ARHGEF28: variants seen among roughly 807,000 people sequenced by gnomAD.
ARHGEF28 encodes 190 kDa guanine nucleotide exchange factor.
In ARHGEF28, 152 loss-of-function variants were observed where a neutral mutation model predicts 206.6. That is an observed-to-expected ratio of 0.74 (90% CI 0.64 to 0.84). ARHGEF28 has a LOEUF of 0.84. ARHGEF28 is among the 40% of genes least tolerant of loss of function. The pLI is 0.00. For synonymous variants in ARHGEF28, 763 were observed against 776.4 expected (o/e 0.98, Z 0.29); for missense variants, 2,028 against 2,073.2 (o/e 0.98, Z 0.42).
chr5:73,840,704 T>A lies in ARHGEF28; in HGVS notation c.1371T>A (p.Asn457Lys). Residue 457 changes from asparagine to lysine, a missense_variant, in exon 11 of 36, where the codon AAT becomes AAA. Physicochemically the swap from Asn to Lys is moderately conservative, Grantham distance 94. This residue lies in a region of ARHGEF28 where 1,002 missense variants were observed against 1,015.3 expected (regional missense o/e 0.99). Transcript: ENST00000513042. ...SPSSSCASNLNLSFGWHGFEK... is the reference protein window; with the variant it reads ...SPSSSCASNLKLSFGWHGFEK... The stretch of plus-strand genomic sequence containing the variant: ...CAAGTTCGTGTGCTTCCAACTTGAA[T>A]CTTTCTTTTGGTTGGCATGGATTTG... 6.2e-7 allele frequency: 1 copy of A among 1,612,574 alleles called. No individual in the cohort carries two copies. Among genetic ancestry groups the A allele is most frequent in the Non-Finnish European group, 8.5e-7 (1 of 1,179,176 alleles).
chr5:73,847,785 A>G (rs1758456199), intron 12 of ARHGEF28, among the ~76,000 whole-genome samples: 1 of 152,194 alleles, frequency 6.6e-6, no homozygotes, highest in African/African-American at 2.4e-5. Flanking sequence ...GTTACCACGT[A>G]TACATGACTC....
intron 14 of ARHGEF28, 67 bp from the exon 15 acceptor site, chr5:73,857,589 A>G: frequency 1.4e-6 from 2 of 1,479,382 alleles, no homozygotes; most frequent in South Asian, 2.6e-5. Context: ...ACACACACAT[A>G]CACACACACG....
chr5:73,840,262 C>T (rs768227450), intron 10 of ARHGEF28, among the ~76,000 whole-genome samples: 13 of 152,082 alleles, frequency 8.5e-5, no homozygotes, highest in East Asian at 3.9e-4. Flanking sequence ...TACAGGCGCC[C>T]GCCACCACAC....
At chr5:73,916,986 C>T (rs1216135718) in intron 35 of ARHGEF28, among the ~76,000 whole-genome samples, 1 of 152,114 alleles carries the variant, frequency 6.6e-6, no homozygotes, top group African/African-American at 2.4e-5. Flanking sequence ...CCTAGTTCAA[C>T]ACATAGAAAT....
rs374042537 is a variant in ARHGEF28, at chr5:73,915,325, C to T, written c.4948+3750C>T. Among the ~76,000 whole-genome samples the T allele has an allele frequency of 1.5e-4, 23 of 152,110 alleles. 1 individual carries two copies. The highest frequency in any genetic ancestry group is 4.3e-4 in the African/African-American group (18 of 41,516). ...TTTTCTTAAAAATATTTTGTTTCTC[C>T]AATGTTGCCTAATAATAAACCCATG... is the stretch of plus-strand genomic sequence containing the variant. On this transcript the variant is annotated intron_variant, in intron 35 of 35. Coordinates refer to ENST00000513042, the MANE Select transcript of ARHGEF28 (RefSeq NM_001177693.2).
intron 1 of ARHGEF28, among the ~76,000 whole-genome samples, chr5:73,646,249 C>A (rs956579386): frequency 6.6e-6 from 1 of 152,146 alleles, no homozygotes; most frequent in East Asian, 1.9e-4. Flanking sequence ...CAACGCAGAC[C>A]CTGATTATAT....
At chr5:73,838,570 A>G (rs1013569789) in intron 10 of ARHGEF28, among the ~76,000 whole-genome samples, 1 of 152,176 alleles carries the variant, frequency 6.6e-6, no homozygotes, top group Non-Finnish European at 1.5e-5. Context: ...ATCCCTGTAT[A>G]CCCTTTACTC....
chr5:73,757,873 AT>A (rs1046115726), intron 4 of ARHGEF28, among the ~76,000 whole-genome samples: 1 of 152,016 alleles, frequency 6.6e-6, no homozygotes, highest in Non-Finnish European at 1.5e-5. Context: ...ATTTATTTTT[AT>A]TTTTTTGTTT....
chr5:73,678,549 C>T (rs1472588545), intron 1 of ARHGEF28, among the ~76,000 whole-genome samples: 1 of 152,140 alleles, frequency 6.6e-6, no homozygotes, highest in African/African-American at 2.4e-5. Flanking sequence ...AAGTGCAAAG[C>T]GTTGGCATCT....
At position 73,868,008 on chromosome 5, in the gene ARHGEF28, C is replaced by A; in HGVS notation, c.2285C>A (p.Thr762Asn). ...VHPLSRSVPG[T>N]TLESFRRSAT... ...CCATTGTCCAGAAGTGTTCCAGGCACCACCTTGGAAAGGTAAGGCTGAGTG... is the reference window on the plus strand; with the variant it reads ...CCATTGTCCAGAAGTGTTCCAGGCAACACCTTGGAAAGGTAAGGCTGAGTG... The change falls in exon 19 of 36, where the codon ACC becomes AAC. Residue 762 changes from threonine to asparagine, a missense_variant. By Grantham distance (65) the Thr-to-Asn change is moderately conservative. Coordinates refer to ENST00000513042, the MANE Select transcript of ARHGEF28 (RefSeq NM_001177693.2). The A allele has an allele frequency of 6.2e-7, 1 of 1,613,918 alleles. No individual in the cohort carries two copies. Among genetic ancestry groups the A allele is most frequent in the Non-Finnish European group, 8.5e-7 (1 of 1,179,870 alleles).
At chr5:73,709,212 C>G (rs1281072717) in intron 2 of ARHGEF28, among the ~76,000 whole-genome samples, 2 of 152,160 alleles carry the variant, frequency 1.3e-5, no homozygotes, top group Non-Finnish European at 2.9e-5. Flanking sequence ...ATGTTACATA[C>G]AGCAAAATTT....
chr5:73,861,939 T>A (rs1249945076), intron 16 of ARHGEF28, among the ~76,000 whole-genome samples: 1 of 152,198 alleles, frequency 6.6e-6, no homozygotes, highest in Non-Finnish European at 1.5e-5. Context: ...ATATGATACA[T>A]ACAGTCTCTG....
intron 7 of ARHGEF28, among the ~76,000 whole-genome samples, chr5:73,783,101 G>C (rs1436513991): frequency 6.6e-6 from 1 of 152,136 alleles, no homozygotes; most frequent in Non-Finnish European, 1.5e-5. Context: ...ACAGTTTGAG[G>C]TTGGGGCAGA....
At chr5:73,772,463 C>T (rs1753273737) in intron 4 of ARHGEF28, among the ~76,000 whole-genome samples, 1 of 152,226 alleles carries the variant, frequency 6.6e-6, no homozygotes, top group Non-Finnish European at 1.5e-5. Flanking sequence ...ACTGCAACCT[C>T]TGCCTCCTGG....
At chr5:73,895,805 T>C (rs1226369306) in intron 29 of ARHGEF28, among the ~76,000 whole-genome samples, 1 of 152,210 alleles carries the variant, frequency 6.6e-6, no homozygotes, top group Admixed American at 6.5e-5. Flanking sequence ...CCTAAACTAT[T>C]AACTGGCTCT....
intron 7 of ARHGEF28, 120 bp downstream of exon 7, chr5:73,780,865 A>C: frequency 3.7e-6 from 4 of 1,071,266 alleles, no homozygotes. Flanking sequence ...AGGCAAGATC[A>C]GGGGTGTGGG....
At chr5:73,789,657 T>A (rs1754351336) in intron 7 of ARHGEF28, among the ~76,000 whole-genome samples, 1 of 151,896 alleles carries the variant, frequency 6.6e-6, no homozygotes, top group Non-Finnish European at 1.5e-5. Context: ...TTTTGTTTAG[T>A]TTTTTTTCCA....
At chr5:73,751,573 A>AT in intron 3 of ARHGEF28, among the ~76,000 whole-genome samples, 1 of 152,258 alleles carries the variant, frequency 6.6e-6, no homozygotes, top group East Asian at 1.9e-4. Flanking sequence ...TAGAGAAAGG[A>AT]TAAAAAATAA....
chr5:73,875,069 C>T (rs1405517164), intron 22 of ARHGEF28, among the ~76,000 whole-genome samples: 2 of 149,720 alleles, frequency 1.3e-5, no homozygotes, highest in East Asian at 3.9e-4. Flanking sequence ...TCCACATCCT[C>T]TCCAGCACCT....
Sources: gnomAD v4.1 joint callset for allele counts (sites outside exome capture counted in the v4.1 genomes callset) on GRCh38, gnomAD v4.1.1 for gene constraint, gnomAD v4.1.1 regional missense constraint, MANE v1.5 for transcripts, NCBI Gene and HGNC (gene_info 2026-07-23, HGNC 2026-07-21) for gene names.